The following KLHL3 variants were observed in gnomAD, a reference collection of about 807,000 sequenced individuals.
KLHL3 encodes the protein kelch-like protein 3.
A neutral mutation model predicts 70.5 loss-of-function variants in KLHL3; 19 were observed. That is an observed-to-expected ratio of 0.27 (90% confidence interval 0.19 to 0.40). The LOEUF (loss-of-function observed/expected upper bound fraction) is 0.40, where lower values mean the gene tolerates loss of function less well. Ranked by LOEUF, KLHL3 falls within the 10% of genes least tolerant of loss-of-function variation. The pLI is 1.00. For synonymous variants in KLHL3, 258 were observed against 290.3 expected (o/e 0.89, Z 1.13); for missense variants, 512 against 771.1 (o/e 0.66, Z 3.98).
At chr5:137,709,131 C>T (rs969325177) in intron 3 of KLHL3, among the ~76,000 whole-genome samples, 6 of 152,188 alleles carry the variant, frequency 3.9e-5, no homozygotes, top group African/African-American at 1.4e-4. Context: ...AAACAGGGAC[C>T]CTGGAAAGTT....
chr5:137,631,069 CAAA>C (rs70979549), intron 12 of KLHL3, among the ~76,000 whole-genome samples: 33,627 of 105,758 alleles, frequency 0.32, 3,887 homozygotes, highest in East Asian at 0.51. Context: ...TCCAAAAATA[CAAA>C]AAAAAAAAAA....
intron 5 of KLHL3, among the ~76,000 whole-genome samples, chr5:137,680,338 G>A (rs1291397207): frequency 6.6e-6 from 1 of 152,030 alleles, no homozygotes; most frequent in Non-Finnish European, 1.5e-5. Context: ...CCCAGGCTTC[G>A]CCATCCATTT....
rs1753250404 is a variant in KLHL3, at chr5:137,735,705, G to C, written c.-59C>G. ...ACTGTGTATGCACTCGGGGATCCTA[G>C]TTCTGTTCTTGATTCTCCCAGCAGA... On this transcript the variant is annotated 5_prime_UTR_variant, in exon 1 of 15. Transcript: ENST00000309755. 1 of 1,613,722 alleles carries C rather than the reference G, an allele frequency of 6.2e-7. No homozygotes were observed. The highest frequency in any genetic ancestry group is 8.5e-7 in the Non-Finnish European group (1 of 1,179,584).
intron 3 of KLHL3, among the ~76,000 whole-genome samples, chr5:137,704,242 G>A (rs1473835315): frequency 6.6e-6 from 1 of 151,986 alleles, no homozygotes; most frequent in East Asian, 1.9e-4. Flanking sequence ...AAAATTAGCC[G>A]GGCGCGGTGG....
At chr5:137,695,189 A>G (rs1752417517) in intron 4 of KLHL3, among the ~76,000 whole-genome samples, 1 of 152,096 alleles carries the variant, frequency 6.6e-6, no homozygotes, top group Non-Finnish European at 1.5e-5. Context: ...CTTAGGTTAC[A>G]CTTTCCATTT....
At chr5:137,729,039 C>T (rs759087404) in intron 1 of KLHL3, among the ~76,000 whole-genome samples, 4 of 150,110 alleles carry the variant, frequency 2.7e-5, no homozygotes, top group Non-Finnish European at 5.9e-5. Context: ...CTTGGGTGTG[C>T]GAGAATGTAG....
chr5:137,712,587 C>T (rs1752814273), intron 2 of KLHL3, among the ~76,000 whole-genome samples: 1 of 152,196 alleles, frequency 6.6e-6, no homozygotes, highest in Non-Finnish European at 1.5e-5. Flanking sequence ...AGCTCTAAAG[C>T]ACTGCATGGC....
intron 12 of KLHL3, chr5:137,628,931 A>C (rs998650774): frequency 1.3e-5 from 2 of 152,166 alleles, no homozygotes; most frequent in East Asian, 1.9e-4. Flanking sequence ...TGTATTACTT[A>C]CTCATCCTTA....
chr5:137,625,368 T>C (rs906196821), intron 14 of KLHL3, among the ~76,000 whole-genome samples: 1 of 152,214 alleles, frequency 6.6e-6, no homozygotes, highest in African/African-American at 2.4e-5. Context: ...AATTCGACCC[T>C]GGACAACAAC....
intron 7 of KLHL3, among the ~76,000 whole-genome samples, chr5:137,658,971 T>C (rs183705531): frequency 1.1e-3 from 169 of 152,292 alleles, no homozygotes; most frequent in African/African-American, 3.8e-3. Flanking sequence ...GCTTAGGACC[T>C]AAGCAGGTGC....
intron 3 of KLHL3, among the ~76,000 whole-genome samples, chr5:137,704,253 C>T (rs1218998234): frequency 3.3e-5 from 5 of 151,990 alleles, no homozygotes; most frequent in Non-Finnish European, 5.9e-5. Flanking sequence ...GGCGCGGTGG[C>T]GGGCGCCTGT....
At chr5:137,645,545 C>T (rs1172356239) in intron 8 of KLHL3, among the ~76,000 whole-genome samples, 3 of 151,556 alleles carry the variant, frequency 2.0e-5, no homozygotes, top group African/African-American at 7.3e-5. Context: ...AAGAAAAAAA[C>T]TCATTAACAA....
chr5:137,650,901 A>G (rs1340623028), intron 8 of KLHL3, among the ~76,000 whole-genome samples: 2 of 152,088 alleles, frequency 1.3e-5, no homozygotes, highest in Non-Finnish European at 2.9e-5. Flanking sequence ...AAAAGAAAGA[A>G]AGAAAGAAAA....
At chr5:137,730,699 A>C (rs918379612) in intron 1 of KLHL3, among the ~76,000 whole-genome samples, 3 of 152,236 alleles carry the variant, frequency 2.0e-5, no homozygotes, top group Non-Finnish European at 4.4e-5. Flanking sequence ...AGAAGAGAGA[A>C]AGACTAAAAG....
intron 5 of KLHL3, among the ~76,000 whole-genome samples, chr5:137,683,038 C>T (rs1752072837): frequency 6.6e-6 from 1 of 152,108 alleles, no homozygotes; most frequent in African/African-American, 2.4e-5. Context: ...ATGGTGTTAG[C>T]TAGTATTAGG....
intron 14 of KLHL3, among the ~76,000 whole-genome samples, chr5:137,625,217 C>T (rs1421738331): frequency 1.3e-5 from 2 of 152,262 alleles, no homozygotes; most frequent in Non-Finnish European, 2.9e-5. Flanking sequence ...GTGATCCACC[C>T]TCAAAGTTTA....
At chr5:137,628,271 G>A in intron 13 of KLHL3, 26 bp downstream of exon 13, 1 of 1,613,392 alleles carries the variant, frequency 6.2e-7, no homozygotes, top group Non-Finnish European at 8.5e-7. Flanking sequence ...AACCCCCAAA[G>A]GGGAGATGGA....
At chr5:137,727,842 G>A (rs935268829) in intron 1 of KLHL3, among the ~76,000 whole-genome samples, 1 of 152,138 alleles carries the variant, frequency 6.6e-6, no homozygotes, top group Admixed American at 6.6e-5. Flanking sequence ...GTGTGTGCTG[G>A]TAAATGTTTA....
chr5:137,665,358 C>A (rs1423109991), intron 6 of KLHL3, among the ~76,000 whole-genome samples: 1 of 152,146 alleles, frequency 6.6e-6, no homozygotes, highest in East Asian at 1.9e-4. Context: ...TATTAAATTT[C>A]ATTGGTATGA....
Sources: allele counts gnomAD v4.1 joint callset (sites outside exome capture counted in the v4.1 genomes callset), GRCh38; gene constraint gnomAD v4.1.1; transcripts MANE v1.5; gene names NCBI Gene and HGNC (gene_info 2026-07-23, HGNC 2026-07-21).